The following FRMD4A variants were observed in gnomAD, a reference collection of about 807,000 sequenced individuals.
FRMD4A encodes the protein FERM domain containing 4A.
Under a neutral mutation model 129.1 loss-of-function variants are expected in FRMD4A, and 29 were observed. The observed-to-expected ratio is 0.22, with a 90% CI of 0.17 to 0.31. The LOEUF (loss-of-function observed/expected upper bound fraction) is 0.31, where lower values mean the gene tolerates loss of function less well. FRMD4A is among the 10% of genes least tolerant of loss of function. The pLI, the probability that FRMD4A is intolerant of heterozygous loss-of-function variation, is 1.00. For missense variants in FRMD4A, 1,272 were observed against 1,375.8 expected (o/e 0.92, Z 1.19); for synonymous variants, 634 against 571.6 (o/e 1.11, Z -1.56).
chr10:14,061,088 C>G (rs1834787380), intron 2 of FRMD4A, among the ~76,000 whole-genome samples: 1 of 152,058 alleles, frequency 6.6e-6, no homozygotes, highest in African/African-American at 2.4e-5. Flanking sequence ...GCCAAAATCG[C>G]CAACATTTTG....
chr10:14,248,617 CT>C (rs1213421372), intron 2 of FRMD4A, among the ~76,000 whole-genome samples: 1 of 152,102 alleles, frequency 6.6e-6, no homozygotes, highest in Non-Finnish European at 1.5e-5. Context: ...TTTATTCATG[CT>C]ATTGGTGTAT....
At chr10:13,686,028 G>T (rs2134784737) in intron 15 of FRMD4A, among the ~76,000 whole-genome samples, 2 of 152,144 alleles carry the variant, frequency 1.3e-5, no homozygotes, top group Middle Eastern at 6.8e-3. Flanking sequence ...AACATGTCCA[G>T]AACCATCCAT....
chr10:14,195,984 G>A (rs572250900), intron 2 of FRMD4A, among the ~76,000 whole-genome samples: 2 of 152,198 alleles, frequency 1.3e-5, no homozygotes, highest in Admixed American at 6.5e-5. Context: ...GTCTCTGCAT[G>A]AGATTTTGAG....
At chr10:13,849,197 G>A (rs986707095) in intron 3 of FRMD4A, among the ~76,000 whole-genome samples, 1 of 152,112 alleles carries the variant, frequency 6.6e-6, no homozygotes, top group Non-Finnish European at 1.5e-5. Context: ...GGGAGGTCCC[G>A]GACAGAAGGT....
chr10:13,753,541 A>ATT (rs35813128), intron 8 of FRMD4A, among the ~76,000 whole-genome samples: 1,701 of 115,218 alleles, frequency 0.015, 55 homozygotes, highest in Middle Eastern at 0.059. Flanking sequence ...GTACCTTTCT[A>ATT]TTTTTTTTTT....
At chr10:13,670,065 C>T (rs1282687334) in intron 17 of FRMD4A, among the ~76,000 whole-genome samples, 2 of 152,178 alleles carry the variant, frequency 1.3e-5, no homozygotes, top group Admixed American at 6.5e-5. Flanking sequence ...ACACATCAAG[C>T]TTGGCTCTCA....
Position 13,848,588 on chromosome 10 carries a change from G to C in FRMD4A, c.111+10259C>G, listed in dbSNP as rs548571300. On this transcript the variant is annotated intron_variant, in intron 3 of 24. Coordinates refer to ENST00000357447, the MANE Select transcript of FRMD4A (RefSeq NM_018027.5). ...CTTCTCCTCTCCTCAACCAGCACCT[G>C]GGTGTGAGTGTGTGTGTGTACGTGT... Among the ~76,000 whole-genome samples the C allele has an allele frequency of 2.1e-5, 3 of 143,514 alleles. No homozygotes were observed. The East Asian group carries it at 6.0e-4, about 29-fold the overall frequency. The allele number at this position is 143,514 out of a possible 152,430, so 94.2% of individuals were successfully genotyped here. A position where few individuals can be genotyped will look rare whatever the true frequency, so the allele number is the denominator to read the frequency against.
intron 3 of FRMD4A, among the ~76,000 whole-genome samples, chr10:13,830,909 C>T (rs1378460974): frequency 6.6e-6 from 1 of 152,200 alleles, no homozygotes; most frequent in East Asian, 1.9e-4. Flanking sequence ...CATGCCTCAG[C>T]CTCCCAAGTA....
intron 2 of FRMD4A, among the ~76,000 whole-genome samples, chr10:13,961,194 A>C (rs571346001): frequency 6.6e-6 from 1 of 152,214 alleles, no homozygotes; most frequent in Non-Finnish European, 1.5e-5. Context: ...TTCTCCGCCA[A>C]CTTACAAAGA....
At chr10:13,835,453 T>G (rs2093857997) in intron 3 of FRMD4A, among the ~76,000 whole-genome samples, 1 of 152,150 alleles carries the variant, frequency 6.6e-6, no homozygotes, top group Admixed American at 6.5e-5. Context: ...GGAACCGGGC[T>G]CCACAGCAGG....
chr10:13,770,576 T>C (rs2092428041), intron 6 of FRMD4A, among the ~76,000 whole-genome samples: 1 of 152,194 alleles, frequency 6.6e-6, no homozygotes, highest in African/African-American at 2.4e-5. Context: ...CCTGGGTAGC[T>C]GGGACCACAG....
At chr10:14,159,143 A>T (rs1840752744) in intron 2 of FRMD4A, among the ~76,000 whole-genome samples, 1 of 152,184 alleles carries the variant, frequency 6.6e-6, no homozygotes, top group Admixed American at 6.5e-5. Context: ...TCTCTGGAAC[A>T]ATCAGGGATT....
chr10:13,847,956 G>T, intron 3 of FRMD4A, among the ~76,000 whole-genome samples: 1 of 152,220 alleles, frequency 6.6e-6, no homozygotes, highest in East Asian at 1.9e-4. Flanking sequence ...CCACAGATTT[G>T]TTACCCCTTG....
intron 24 of FRMD4A, chr10:13,647,793 TTCTTAAA>T (rs1319796805): frequency 6.6e-6 from 1 of 151,004 alleles, no homozygotes; most frequent in Non-Finnish European, 1.5e-5. Flanking sequence ...GTAGAAGTAA[TTCTTAAA>T]TCTTAAGAAG....
At position 14,168,300 on chromosome 10, in the gene FRMD4A, C is replaced by T. The variant is rs375269088; in HGVS notation, c.45+161758G>A. 8.5e-5 allele frequency among the ~76,000 whole-genome samples: 13 copies of T among 152,284 alleles called. No individual in the cohort carries two copies. In the East Asian group the frequency reaches 2.1e-3, roughly 25 times the overall value. The stretch of plus-strand genomic sequence containing the variant: ...TACTATAAAGATCACATGAGATCAT[C>T]TGTGTCCAACCTCGTAAGAGCTGAA... On this transcript the variant is annotated intron_variant, in intron 2 of 24. Coordinates refer to ENST00000357447, the MANE Select transcript of FRMD4A (RefSeq NM_018027.5).
chr10:13,864,215 C>T (rs1037441070), intron 2 of FRMD4A, among the ~76,000 whole-genome samples: 1 of 151,626 alleles, frequency 6.6e-6, no homozygotes, highest in African/African-American at 2.4e-5. Context: ...AGGCTGGTCT[C>T]GAACTCCTGG....
chr10:13,859,544 C>T (rs2094263935), intron 2 of FRMD4A, among the ~76,000 whole-genome samples: 1 of 152,056 alleles, frequency 6.6e-6, no homozygotes, highest in Non-Finnish European at 1.5e-5. Context: ...ATAACATATT[C>T]TCAGGGGTGG....
At chr10:14,071,919 C>A (rs1392129695) in intron 2 of FRMD4A, among the ~76,000 whole-genome samples, 1 of 152,100 alleles carries the variant, frequency 6.6e-6, no homozygotes, top group Non-Finnish European at 1.5e-5. Flanking sequence ...GGAAGGGTTT[C>A]CTTCCCCGTG....
intron 2 of FRMD4A, among the ~76,000 whole-genome samples, chr10:13,898,955 G>T (rs181022841): frequency 2.7e-4 from 41 of 152,274 alleles, no homozygotes; most frequent in African/African-American, 7.7e-4. Flanking sequence ...GGCCGAGGTG[G>T]GAGGATCACT....
Sources: gnomAD v4.1 joint callset for allele counts (sites outside exome capture counted in the v4.1 genomes callset) on GRCh38, gnomAD v4.1.1 for gene constraint, MANE v1.5 for transcripts, NCBI Gene and HGNC (gene_info 2026-07-23, HGNC 2026-07-21) for gene names.